FOXP2: variants seen among roughly 807,000 people sequenced by gnomAD.
FOXP2 encodes the protein forkhead box protein P2.
Under a neutral mutation model 115.8 loss-of-function variants are expected in FOXP2, and 12 were observed. The observed-to-expected ratio is 0.10, with a 90% CI of 0.07 to 0.17. FOXP2 has a LOEUF of 0.17. Among genes scored for constraint, FOXP2 ranks in the 10% least tolerant of loss-of-function variants. The pLI is 1.00. For missense variants in FOXP2, 629 were observed against 843.5 expected (o/e 0.75, Z 3.15); for synonymous variants, 328 against 297.7 (o/e 1.10, Z -1.05).
chr7:114,310,652 T>C (rs1797126673), intron 2 of FOXP2, among the ~76,000 whole-genome samples: 1 of 152,126 alleles, frequency 6.6e-6, no homozygotes, highest in Admixed American at 6.6e-5. Context: ...CTTTAGATTC[T>C]GTGTTTGTTG....
chr7:114,536,242 T>G (rs2129278240), intron 3 of FOXP2, among the ~76,000 whole-genome samples: 1 of 151,630 alleles, frequency 6.6e-6, no homozygotes, highest in East Asian at 1.9e-4. Flanking sequence ...AAAAACACTA[T>G]ATATTTTCCT....
chr7:114,276,474 T>A (rs1037406934), intron 1 of FOXP2, among the ~76,000 whole-genome samples: 1 of 152,128 alleles, frequency 6.6e-6, no homozygotes, highest in East Asian at 1.9e-4. Flanking sequence ...CACTGGCATA[T>A]TTTTAAATGG....
chr7:114,655,655 G>C (rs1806547424), intron 10 of FOXP2, among the ~76,000 whole-genome samples: 1 of 151,550 alleles, frequency 6.6e-6, no homozygotes, highest in African/African-American at 2.4e-5. Flanking sequence ...TGATATGATA[G>C]TAGAGATTTA....
intron 2 of FOXP2, among the ~76,000 whole-genome samples, chr7:114,385,035 TCTCTCTCTCCCCCC>T (rs1792408447): frequency 6.6e-6 from 1 of 151,872 alleles, no homozygotes; most frequent in African/African-American, 2.4e-5. Context: ...TCCCTCTTTG[TCTCTCTCTCCCCCC>T]CTCTCTCTCT....
At chr7:114,250,375 A>T (rs147758623) in intron 1 of FOXP2, among the ~76,000 whole-genome samples, 12,988 of 152,132 alleles carry the variant, frequency 0.085, 1,391 homozygotes, top group African/African-American at 0.25. Flanking sequence ...CGCCACACTG[A>T]CTTCCACAAT....
intron 2 of FOXP2, among the ~76,000 whole-genome samples, chr7:114,397,239 G>A (rs1489014130): frequency 6.6e-6 from 1 of 152,022 alleles, no homozygotes; most frequent in Admixed American, 6.6e-5. Context: ...AAAAATAACA[G>A]TAAATGGGAA....
At chr7:114,180,938 T>G (rs550205766) in intron 1 of FOXP2, among the ~76,000 whole-genome samples, 1 of 152,130 alleles carries the variant, frequency 6.6e-6, no homozygotes, top group East Asian at 1.9e-4. Flanking sequence ...TGAGTAATTT[T>G]TATTTTCTGC....
intron 2 of FOXP2, among the ~76,000 whole-genome samples, chr7:114,329,763 G>A (rs1010558671): frequency 1.3e-5 from 2 of 151,592 alleles, no homozygotes; most frequent in African/African-American, 4.8e-5. Flanking sequence ...TGCAACCTCC[G>A]CCTCCAGTGC....
At chr7:114,091,395 A>G (rs1373521290) in intron 1 of FOXP2, among the ~76,000 whole-genome samples, 1 of 151,878 alleles carries the variant, frequency 6.6e-6, no homozygotes, top group Admixed American at 6.6e-5. Context: ...TTTCAGTAGT[A>G]ATATTCATGA....
intron 1 of FOXP2, among the ~76,000 whole-genome samples, chr7:114,100,823 G>A (rs1320630955): frequency 6.6e-6 from 1 of 152,188 alleles, no homozygotes; most frequent in South Asian, 2.1e-4. Context: ...GCTTAAGCAG[G>A]CACTTTTCTA....
chr7:114,453,970 T>C (rs1360790792), intron 2 of FOXP2, among the ~76,000 whole-genome samples: 2 of 152,146 alleles, frequency 1.3e-5, no homozygotes, highest in African/African-American at 4.8e-5. Flanking sequence ...AAGGACTTCA[T>C]GTCCAAAACA....
chr7:114,442,850 T>C (rs915225157), intron 2 of FOXP2, among the ~76,000 whole-genome samples: 2 of 152,116 alleles, frequency 1.3e-5, no homozygotes, highest in African/African-American at 4.8e-5. Context: ...GTGACATAAT[T>C]CCATTGTATT....
At chr7:114,494,828 T>C (rs1797237173) in intron 2 of FOXP2, among the ~76,000 whole-genome samples, 1 of 152,210 alleles carries the variant, frequency 6.6e-6, no homozygotes, top group Non-Finnish European at 1.5e-5. Flanking sequence ...TATATTTCTA[T>C]AAAATGATTA....
chr7:114,529,785 T>C (rs1344988528), intron 2 of FOXP2, among the ~76,000 whole-genome samples: 1 of 151,850 alleles, frequency 6.6e-6, no homozygotes, highest in Admixed American at 6.6e-5. Context: ...AATTTTCTTC[T>C]ATTAAATAAC....
chr7:114,606,586 C>T (rs751442213), intron 3 of FOXP2, among the ~76,000 whole-genome samples: 1 of 152,136 alleles, frequency 6.6e-6, no homozygotes, highest in Non-Finnish European at 1.5e-5. Context: ...ATTCCTTTTG[C>T]CCTCTCCTCA....
intron 1 of FOXP2, among the ~76,000 whole-genome samples, chr7:114,241,912 TCCTTGAA>T (rs1345516960): frequency 6.6e-6 from 1 of 151,278 alleles, no homozygotes; most frequent in African/African-American, 2.4e-5. Flanking sequence ...ACCATGCCCA[TCCTTGAA>T]ATCTTCTAGT....
intron 2 of FOXP2, among the ~76,000 whole-genome samples, chr7:114,506,178 A>G (rs900454519): frequency 2.6e-5 from 4 of 151,714 alleles, no homozygotes; most frequent in African/African-American, 7.2e-5. Context: ...TATTCATACT[A>G]AGGAGACATG....
rs560893230 is a variant in FOXP2 at position 114,643,013 on chromosome 7, A to G, written c.989+390A>G. On this transcript the variant is annotated intron_variant, in intron 7 of 16. Coordinates refer to ENST00000350908, the MANE Select transcript of FOXP2 (RefSeq NM_014491.4). ...TTTTTAGTAGAGACGGGGTTTCACC[A>G]TGTTAGCCAGGATGGTCTCTATCTC... 8.0e-5 allele frequency among the ~76,000 whole-genome samples: 12 copies of G among 150,850 alleles called. No homozygotes were observed. The South Asian group carries it at 8.4e-4, about 11-fold the overall frequency.
intron 2 of FOXP2, among the ~76,000 whole-genome samples, chr7:114,529,398 A>T (rs994950737): frequency 5.3e-5 from 8 of 151,820 alleles, no homozygotes; most frequent in African/African-American, 1.9e-4. Context: ...CAATACCCTG[A>T]TTGTCTCTCC....
Sources: gnomAD v4.1 joint callset for allele counts (sites outside exome capture counted in the v4.1 genomes callset) on GRCh38, gnomAD v4.1.1 for gene constraint, MANE v1.5 for transcripts, NCBI Gene and HGNC (gene_info 2026-07-23, HGNC 2026-07-21) for gene names.